Variants in GNG7 observed in about 807,000 individuals in gnomAD.
The protein encoded by GNG7 is G protein subunit gamma 7.
GNG7 carries 1 observed loss-of-function variant against 4.0 expected under a neutral mutation model. That is an observed-to-expected ratio of 0.25 (90% CI 0.09 to 1.18). The LOEUF (loss-of-function observed/expected upper bound fraction) is 1.18, where lower values mean the gene tolerates loss of function less well. Among genes scored for constraint, GNG7 ranks in the 50% most tolerant of loss-of-function variants. The pLI is 0.50. For missense variants in GNG7, 86 were observed against 91.9 expected (o/e 0.94, Z 0.26); for synonymous variants, 34 against 36.9 (o/e 0.92, Z 0.29).
intron 2 of GNG7, among the ~76,000 whole-genome samples, chr19:2,603,185 G>C (rs1981267533): frequency 6.6e-6 from 1 of 152,042 alleles, no homozygotes; most frequent in African/African-American, 2.4e-5. Context: ...TCCTGCCTCA[G>C]CCTCCCGAGT....
intron 1 of GNG7, among the ~76,000 whole-genome samples, chr19:2,659,194 C>T (rs184609128): frequency 6.6e-6 from 1 of 152,068 alleles, no homozygotes; most frequent in East Asian, 2.0e-4. Flanking sequence ...TGGTCTCAAT[C>T]TCCTGACCTC....
chr19:2,696,247 A>G lies in GNG7; in HGVS notation c.-135+6399T>C, dbSNP rs376809280. ...GAGAGAGAGGAGAGAGAGAAAGAAA[A>G]AGAAAAAAGAAAGAAAGAGAAGGAG... On this transcript the variant is annotated intron_variant, in intron 1 of 4. Coordinates refer to ENST00000382159, the MANE Select transcript of GNG7 (RefSeq NM_052847.3). Among the ~76,000 whole-genome samples, 199 of 150,018 alleles carry G rather than the reference A, an allele frequency of 1.3e-3. 6 individuals are homozygous for G. The South Asian group carries it at 0.037, about 28-fold the overall frequency.
At chr19:2,676,528 C>G (rs1051869764) in intron 1 of GNG7, among the ~76,000 whole-genome samples, 1 of 152,218 alleles carries the variant, frequency 6.6e-6, no homozygotes, top group Non-Finnish European at 1.5e-5. Flanking sequence ...CCTCCCACCT[C>G]AGCCTCCCAA....
intron 1 of GNG7, among the ~76,000 whole-genome samples, chr19:2,676,062 G>C (rs1014484072): frequency 5.9e-5 from 9 of 152,232 alleles, no homozygotes; most frequent in African/African-American, 1.9e-4. Context: ...GGGGCCGTGT[G>C]AGGATGGAGG....
intron 2 of GNG7, among the ~76,000 whole-genome samples, chr19:2,636,338 C>G (rs921531997): frequency 6.6e-6 from 1 of 152,132 alleles, no homozygotes; most frequent in Non-Finnish European, 1.5e-5. Flanking sequence ...GACAATGACC[C>G]CTCTCTGAGC....
intron 2 of GNG7, among the ~76,000 whole-genome samples, chr19:2,636,560 C>A (rs1982313480): frequency 6.6e-6 from 1 of 152,166 alleles, no homozygotes; most frequent in African/African-American, 2.4e-5. Context: ...GCTCTGGAGA[C>A]ACCTCTGTGC....
At chr19:2,572,733 GCAGA>G (rs904016119) in intron 2 of GNG7, among the ~76,000 whole-genome samples, 1 of 151,420 alleles carries the variant, frequency 6.6e-6, no homozygotes, top group East Asian at 1.9e-4. Flanking sequence ...AGCTGGGGCT[GCAGA>G]CATGAACCAG....
At chr19:2,670,377 G>A (rs554364532) in intron 1 of GNG7, among the ~76,000 whole-genome samples, 11 of 152,302 alleles carry the variant, frequency 7.2e-5, no homozygotes, top group African/African-American at 2.6e-4. Flanking sequence ...CTGTCACCTC[G>A]ACCCCGCTGT....
At chr19:2,544,202 C>G (rs1391046124) in intron 3 of GNG7, among the ~76,000 whole-genome samples, 1 of 152,134 alleles carries the variant, frequency 6.6e-6, no homozygotes, top group Non-Finnish European at 1.5e-5. Flanking sequence ...GATCCAAACC[C>G]AAACAAAATG....
At chr19:2,558,988 G>T (rs998442503) in intron 2 of GNG7, among the ~76,000 whole-genome samples, 1 of 151,670 alleles carries the variant, frequency 6.6e-6, no homozygotes, top group Non-Finnish European at 1.5e-5. Context: ...CAGTAGAGAC[G>T]GGGTTTCACC....
chr19:2,554,959 C>A (rs1044527960), intron 3 of GNG7, among the ~76,000 whole-genome samples, 190 bp downstream of exon 3: 1 of 152,176 alleles, frequency 6.6e-6, no homozygotes, highest in African/African-American at 2.4e-5. Flanking sequence ...CCCACCCAAA[C>A]GGGGCAGAGC....
At chr19:2,657,449 G>A (rs1983027608) in intron 1 of GNG7, among the ~76,000 whole-genome samples, 1 of 136,412 alleles carries the variant, frequency 7.3e-6, no homozygotes, top group Non-Finnish European at 1.5e-5. Context: ...AAGGCACTCA[G>A]AGCTGAAACT....
At chr19:2,683,777 G>C (rs546175296) in intron 1 of GNG7, 1 of 152,478 alleles carries the variant, frequency 6.6e-6, no homozygotes, top group African/African-American at 2.4e-5. Flanking sequence ...TGAAAAACCT[G>C]CCTGGGGCTG....
At chr19:2,615,629 A>ATTTTTTTTTTTTTTTTTTTTTTTTTTT (rs1195029403) in intron 2 of GNG7, among the ~76,000 whole-genome samples, 1 of 149,532 alleles carries the variant, frequency 6.7e-6, no homozygotes, top group Non-Finnish European at 1.5e-5. Context: ...CGCCTGGCTA[A>ATTTTTTTTTTTTTTTTTTTTTTTTTTT]TTTTTTTGTA....
At chr19:2,558,623 A>G (rs1979639164) in intron 2 of GNG7, among the ~76,000 whole-genome samples, 1 of 148,060 alleles carries the variant, frequency 6.8e-6, no homozygotes, top group East Asian at 2.0e-4. Flanking sequence ...GTCTGGGGAA[A>G]GGATAAAGTG....
intron 2 of GNG7, among the ~76,000 whole-genome samples, chr19:2,601,785 T>C (rs781560706): frequency 9.2e-5 from 14 of 151,824 alleles, no homozygotes; most frequent in Non-Finnish European, 1.6e-4. Context: ...TGTGAGCCTG[T>C]AGTCCCAGCT....
rs369513158 is a variant in GNG7 at position 2,553,397 on chromosome 19, C to CATATAT, written c.-38+1746_-38+1751dup. On this transcript the variant is annotated intron_variant, in intron 3 of 4. Transcript: ENST00000382159. ...ATGGTGCTGAGCATATATATATATACATATATATATGTAATATACATTTTA... is the reference window on the plus strand; with the variant it reads ...ATGGTGCTGAGCATATATATATATACATATATATATATATATGTAATATACATTTTA... Among the ~76,000 whole-genome samples the CATATAT allele has an allele frequency of 1.2e-3, 169 of 142,252 alleles. 2 individuals are homozygous for CATATAT. Among genetic ancestry groups the CATATAT allele is most frequent in the African/African-American group, 3.9e-3 (148 of 37,926 alleles). The allele number at this position is 142,252 out of a possible 152,430, so 93.3% of individuals were successfully genotyped here. A position where few individuals can be genotyped will look rare whatever the true frequency, so the allele number is the denominator to read the frequency against.
intron 2 of GNG7, among the ~76,000 whole-genome samples, chr19:2,623,976 T>G (rs1272152088): frequency 6.6e-6 from 1 of 152,012 alleles, no homozygotes. Context: ...GACGCTTGAG[T>G]TGCTTCCACC....
At chr19:2,668,613 G>A (rs2110119) in intron 1 of GNG7, among the ~76,000 whole-genome samples, 57,417 of 151,908 alleles carry the variant, frequency 0.38, 11,162 homozygotes, top group African/African-American at 0.46. Context: ...TCCAGGCAGC[G>A]CTCAATGAAT....
Sources: gnomAD v4.1 joint callset for allele counts (sites outside exome capture counted in the v4.1 genomes callset) on GRCh38, gnomAD v4.1.1 for gene constraint, MANE v1.5 for transcripts, NCBI Gene and HGNC (gene_info 2026-07-23, HGNC 2026-07-21) for gene names.